The following TWF2 variants were observed in gnomAD, a reference collection of about 807,000 sequenced individuals.
TWF2 encodes the protein twinfilin actin binding protein 2.
TWF2 carries 15 observed loss-of-function variants against 45.1 expected under a neutral mutation model. The observed-to-expected ratio is 0.33, with a 90% confidence interval of 0.22 to 0.51. The LOEUF is 0.51. TWF2 is among the 20% of genes least tolerant of loss of function. The probability of loss-of-function intolerance (pLI) is 0.97; values close to 1 mark genes in which losing one functional copy is unlikely to be tolerated. For synonymous variants in TWF2, 177 were observed against 195.8 expected (o/e 0.90, Z 0.80); for missense variants, 423 against 469.1 (o/e 0.90, Z 0.91).
At chr3:52,232,967 C>T (rs984196557) in intron 2 of TWF2, among the ~76,000 whole-genome samples, 2 of 152,104 alleles carry the variant, frequency 1.3e-5, no homozygotes, top group African/African-American at 2.4e-5. Flanking sequence ...CAGGAGATGG[C>T]GCCATTGCAC....
intron 2 of TWF2, among the ~76,000 whole-genome samples, chr3:52,232,507 GA>G (rs1010705472): frequency 6.6e-6 from 1 of 152,038 alleles, no homozygotes; most frequent in Non-Finnish European, 1.5e-5. Context: ...CAGTCCCCAC[GA>G]AACTGCCTCC....
At chr3:52,238,211 T>G (rs534121176) in intron 1 of TWF2, among the ~76,000 whole-genome samples, 45 of 152,172 alleles carry the variant, frequency 3.0e-4, no homozygotes, top group Non-Finnish European at 3.1e-4. Flanking sequence ...CTCTTCTCTG[T>G]CTGCAGCCTG....
rs756165427 is a variant in TWF2, at chr3:52,231,449, C to T, written c.373G>A (p.Val125Met). 6.2e-7 allele frequency: 1 copy of T among 1,613,856 alleles called. No individual in the cohort carries two copies. Among genetic ancestry groups the T allele is most frequent in the Non-Finnish European group, 8.5e-7 (1 of 1,179,850 alleles). Reference sequence around the variant, plus strand: ...AAGTCCTGGCTTAGGATTACCTTCACAGTCCCGAAGAGCTCATCCTTGATG... The same window carrying T: ...AAGTCCTGGCTTAGGATTACCTTCATAGTCCCGAAGAGCTCATCCTTGATG... Reference protein sequence around the residue: ...GHIKDELFGTVKDDLSFAGYQ... With the variant: ...GHIKDELFGTMKDDLSFAGYQ... Residue 125 changes from valine to methionine, a missense_variant, in exon 4 of 9, where the codon GTG (valine) becomes ATG (methionine). Physicochemically the swap from Val to Met is conservative, Grantham distance 21 (BLOSUM62 1). Transcript: ENST00000305533.
At chr3:52,231,270 A>T in intron 4 of TWF2, 39 bp from the exon 5 acceptor site, 1 of 1,610,486 alleles carries the variant, frequency 6.2e-7, no homozygotes, top group South Asian at 1.1e-5. Flanking sequence ...ATAAATGGGC[A>T]CCTGGGGATT....
chr3:52,233,451 G>C (rs1157993001), intron 2 of TWF2, among the ~76,000 whole-genome samples: 5 of 152,226 alleles, frequency 3.3e-5, no homozygotes, highest in Non-Finnish European at 2.9e-5. Flanking sequence ...TTTTACATAA[G>C]AAGTAGAATT....
chr3:52,231,233 T>C lies in TWF2; in HGVS notation c.379-2A>G, dbSNP rs1699674535. On this transcript the variant is annotated splice_acceptor_variant, in intron 4 of 8. Coordinates refer to ENST00000305533, the MANE Select transcript of TWF2 (RefSeq NM_007284.4). LOFTEE classifies it high-confidence loss of function. ...GTACCCAGCAAAAGAGAGGTCATCCTGCAGGGGTGGGGGTGAATGCAGAGC... is the reference window on the plus strand; with the variant it reads ...GTACCCAGCAAAAGAGAGGTCATCCCGCAGGGGTGGGGGTGAATGCAGAGC... 4 of 1,613,924 alleles carry C rather than the reference T, an allele frequency of 2.5e-6. No homozygotes were observed. Among genetic ancestry groups the C allele is most frequent in the Non-Finnish European group, 3.4e-6 (4 of 1,179,902 alleles).
intron 3 of TWF2, 86 bp downstream of exon 3, chr3:52,231,858 T>A (rs1427440936): frequency 6.5e-7 from 1 of 1,536,256 alleles, no homozygotes. Flanking sequence ...CAGGCCTGTG[T>A]CCCCTCTTGG....
At chr3:52,234,473 C>T (rs1699707329) in intron 2 of TWF2, among the ~76,000 whole-genome samples, 1 of 152,212 alleles carries the variant, frequency 6.6e-6, no homozygotes, top group Non-Finnish European at 1.5e-5. Context: ...CTATACAGCT[C>T]CCAGGTCCTC....
In TWF2 at chr3:52,231,006, G is replaced by C. The variant is rs1443326315; in HGVS notation, c.484-11C>G. 6.2e-7 allele frequency: 1 copy of C among 1,609,070 alleles called. No individual in the cohort carries two copies. On this transcript the variant is annotated splice_polypyrimidine_tract_variant and intron_variant, in intron 5 of 8. Coordinates refer to ENST00000305533, the MANE Select transcript of TWF2 (RefSeq NM_007284.4). ...GATCTCTGTCTTCACCTGTGGGTAGGGGAATGGTGAGGGAGGCCCTCACCG... is the reference window on the plus strand; with the variant it reads ...GATCTCTGTCTTCACCTGTGGGTAGCGGAATGGTGAGGGAGGCCCTCACCG...
intron 1 of TWF2, 91 bp downstream of exon 1, chr3:52,238,901 G>C: frequency 1.3e-6 from 2 of 1,482,640 alleles, no homozygotes; most frequent in Non-Finnish European, 9.0e-7. Context: ...CTCCCGGCTG[G>C]TGTGGGGTGG....
At position 52,231,808 on chromosome 3, in the gene TWF2, T is replaced by C. The variant is rs528632528; in HGVS notation, c.282+136A>G. On this transcript the variant is annotated intron_variant, in intron 3 of 8. Coordinates refer to ENST00000305533, the MANE Select transcript of TWF2 (RefSeq NM_007284.4). ...GGACTTGACCCTCTCTCAGACTCCCTAGGGCACGGCCTGACAGCTCTTCCC... is the reference window on the plus strand; with the variant it reads ...GGACTTGACCCTCTCTCAGACTCCCCAGGGCACGGCCTGACAGCTCTTCCC... 603 of 1,323,368 alleles carry C rather than the reference T, an allele frequency of 4.6e-4. 9 individuals are homozygous for C. In the South Asian group the frequency reaches 7.4e-3, roughly 16 times the overall value. The allele number at this position is 1,323,368 out of a possible 1,614,324, so 82.0% of individuals were successfully genotyped here.
chr3:52,232,129 G>C lies in TWF2; in HGVS notation c.104-7C>G. 1 of 1,553,802 alleles carries C rather than the reference G, an allele frequency of 6.4e-7. No homozygotes were observed. Among genetic ancestry groups the C allele is most frequent in the Non-Finnish European group, 8.7e-7 (1 of 1,148,860 alleles). The stretch of plus-strand genomic sequence containing the variant: ...GCACCCAGCACGAGCTGCTCTGGGG[G>C]CAGAGGCCGGATGAGCAGCCGCTCC... On this transcript the variant is annotated splice_region_variant and splice_polypyrimidine_tract_variant and intron_variant, in intron 2 of 8. Coordinates refer to ENST00000305533, the MANE Select transcript of TWF2 (RefSeq NM_007284.4).
At chr3:52,231,638 T>G (rs2107302077) in intron 3 of TWF2, 99 bp from the exon 4 acceptor site, 1 of 1,316,428 alleles carries the variant, frequency 7.6e-7, no homozygotes, top group Non-Finnish European at 1.0e-6. Context: ...CTCACTGCGC[T>G]GGCACACCTG....
chr3:52,233,580 C>T (rs353546), intron 2 of TWF2, among the ~76,000 whole-genome samples: 2,184 of 152,336 alleles, frequency 0.014, 21 homozygotes, highest in South Asian at 0.048. Context: ...GGTACCCCAA[C>T]AACTGTCATG....
chr3:52,235,511 C>T (rs1343229913), intron 1 of TWF2, among the ~76,000 whole-genome samples: 1 of 152,134 alleles, frequency 6.6e-6, no homozygotes, highest in Non-Finnish European at 1.5e-5. Context: ...AGACAAATGC[C>T]CCCACTGTGC....
Position 52,239,002 on chromosome 3 carries a change from C to T in TWF2, c.15G>A (p.Thr5=), listed in dbSNP as rs1699755546. Residue 5 remains threonine (T), a synonymous_variant, in exon 1 of 9, where the codon ACG becomes ACA. Transcript: ENST00000305533. Reference sequence around the variant, plus strand: ...GCCATCCGCCCTCACCGTGGATGCCCGTTTGGTGCGCCATGGCTCGGCGCT... The same window carrying T: ...GCCATCCGCCCTCACCGTGGATGCCTGTTTGGTGCGCCATGGCTCGGCGCT... MAHQ[T]GIHATEELKE... The T allele has an allele frequency of 1.9e-6, 3 of 1,595,876 alleles. No homozygotes were observed. The highest frequency in any genetic ancestry group is 2.7e-5 in the African/African-American group (2 of 74,794).
At chr3:52,230,168 G>T in intron 6 of TWF2, 98 bp from the exon 7 acceptor site, 2 of 1,420,216 alleles carry the variant, frequency 1.4e-6, no homozygotes, top group Non-Finnish European at 1.9e-6. Context: ...TGGTGGGCAG[G>T]AGCCTGATGT....
chr3:52,239,121 GACCCTC>G lies in TWF2; in HGVS notation c.-111_-106del. 1.4e-6 allele frequency: 2 copies of G among 1,398,278 alleles called. No individual in the cohort carries two copies. Among genetic ancestry groups the G allele is most frequent in the Non-Finnish European group, 1.9e-6 (2 of 1,063,964 alleles). 86.6% of individuals were successfully genotyped at this position (1,398,278 alleles called of 1,614,324 possible). ...GGTGGAGGATGTGGCGGAGGCTGTCGACCCTCGCGCAGCTTCCCGGGCGGTGCCGCA... is the reference window on the plus strand; with the variant it reads ...GGTGGAGGATGTGGCGGAGGCTGTCGGCGCAGCTTCCCGGGCGGTGCCGCA... On this transcript the variant is annotated 5_prime_UTR_variant, in exon 1 of 9. Transcript: ENST00000305533.
At position 52,239,077 on chromosome 3, in the gene TWF2, C is replaced by G. The variant is rs1252969506; in HGVS notation, c.-61G>C. The G allele has an allele frequency of 1.9e-5, 30 of 1,573,968 alleles. No homozygotes were observed. Among genetic ancestry groups the G allele is most frequent in the Non-Finnish European group, 1.5e-5 (18 of 1,167,102 alleles). The stretch of plus-strand genomic sequence containing the variant: ...CCTCCGCTTGACCCTGGCCCGGCAA[C>G]GCTCGCTGGACCAAGAGAGGTGGAG... On this transcript the variant is annotated 5_prime_UTR_variant, in exon 1 of 9. Coordinates refer to ENST00000305533, the MANE Select transcript of TWF2 (RefSeq NM_007284.4).
Sources: allele counts gnomAD v4.1 joint callset (sites outside exome capture counted in the v4.1 genomes callset), GRCh38; gene constraint gnomAD v4.1.1; transcripts MANE v1.5; gene names NCBI Gene and HGNC (gene_info 2026-07-23, HGNC 2026-07-21).